The following REL variants were observed in gnomAD, a reference collection of about 807,000 sequenced individuals.
REL encodes the protein REL proto-oncogene, NF-kB subunit.
Under a neutral mutation model 45.9 loss-of-function variants are expected in REL, and 15 were observed. The observed-to-expected ratio is 0.33, with a 90% CI of 0.22 to 0.50. The LOEUF (loss-of-function observed/expected upper bound fraction) is 0.50, where lower values mean the gene tolerates loss of function less well. Ranked by LOEUF, REL falls within the 20% of genes least tolerant of loss-of-function variation. REL has a pLI of 0.98. For missense variants in REL, 601 were observed against 715.2 expected (o/e 0.84, Z 1.82); for synonymous variants, 239 against 242.1 (o/e 0.99, Z 0.12).
rs80245312 is a variant in REL, at chr2:60,883,405, C to T, written c.10+1555C>T. On this transcript the variant is annotated intron_variant, in intron 1 of 9. Transcript: ENST00000394479. The stretch of plus-strand genomic sequence containing the variant: ...CTAAGTGTAGTTTAAAATATTTCAA[C>T]TTTCCCTTTTCCCACTTAAGTGACA... Among the ~76,000 whole-genome samples the T allele has an allele frequency of 9.5e-4, 144 of 152,310 alleles. 1 individual carries two copies. The East Asian group carries it at 0.025, about 26-fold the overall frequency.
intron 1 of REL, among the ~76,000 whole-genome samples, chr2:60,888,380 C>A (rs1384368724): frequency 1.3e-5 from 2 of 151,902 alleles, no homozygotes; most frequent in Non-Finnish European, 2.9e-5. Context: ...ATTTATTTGG[C>A]CTTTACTTCA....
chr2:60,907,723 C>T (rs1673701720), intron 4 of REL, among the ~76,000 whole-genome samples: 1 of 151,268 alleles, frequency 6.6e-6, no homozygotes, highest in Non-Finnish European at 1.5e-5. Context: ...CGGAGTCTCG[C>T]TCTGTTGCCC....
chr2:60,922,579 A>G lies in REL; in HGVS notation c.*44A>G. On this transcript the variant is annotated 3_prime_UTR_variant, in exon 10 of 10. Transcript: ENST00000394479. ...TTTTAAATCTTGATACCACCTATAT[A>G]GATGCAGCATTTTGTATTTGTCTAA... 1 of 1,511,210 alleles carries G rather than the reference A, an allele frequency of 6.6e-7. No individual in the cohort carries two copies. Among genetic ancestry groups the G allele is most frequent in the East Asian group, 2.3e-5 (1 of 44,164 alleles). The allele number at this position is 1,511,210 out of a possible 1,614,324, so 93.6% of individuals were successfully genotyped here.
At position 60,928,272 on chromosome 2, in the gene REL, C is replaced by A. The variant is rs1674314438; in HGVS notation, c.*5737C>A. The A allele has an allele frequency of 6.5e-6, 1 of 155,034 alleles. No homozygotes were observed. 9.6% of individuals were successfully genotyped at this position (155,034 alleles called of 1,614,324 possible). A position where few individuals can be genotyped will look rare whatever the true frequency, so the allele number is the denominator to read the frequency against. ...CCCAAGGTAATTTACAGATTCAGTG[C>A]CATCCCCATCAAGCTACCAATGCCT... On this transcript the variant is annotated 3_prime_UTR_variant, in exon 10 of 10. Coordinates refer to ENST00000394479, the MANE Select transcript of REL (RefSeq NM_001291746.2).
chr2:60,922,709 C>G lies in REL; in HGVS notation c.*174C>G. The G allele has an allele frequency of 1.6e-6, 2 of 1,252,208 alleles. No individual in the cohort carries two copies. The highest frequency in any genetic ancestry group is 2.0e-6 in the Non-Finnish European group (2 of 998,436). The allele number at this position is 1,252,208 out of a possible 1,614,324, so 77.6% of individuals were successfully genotyped here. ...CTTTTTTCAGGGAAGAAGCATACAA[C>G]TTTGGACATAGCGAATACAAAATTG... On this transcript the variant is annotated 3_prime_UTR_variant, in exon 10 of 10. Coordinates refer to ENST00000394479, the MANE Select transcript of REL (RefSeq NM_001291746.2).
At chr2:60,892,111 T>C (rs189778785) in intron 2 of REL, among the ~76,000 whole-genome samples, 1 of 152,294 alleles carries the variant, frequency 6.6e-6, no homozygotes, top group East Asian at 1.9e-4. Flanking sequence ...CTGGCAACTT[T>C]TGGATCATGT....
At position 60,916,952 on chromosome 2, in the gene REL, C is replaced by T. The variant is rs1240093594; in HGVS notation, c.470C>T (p.Pro157Leu). Residue 157 changes from proline (P) to leucine (L), a missense_variant, in exon 5 of 10, where the codon CCT (proline) becomes CTT (leucine). This residue lies in a region of REL where 241 missense variants were observed against 347.0 expected (regional missense o/e 0.69). Coordinates refer to ENST00000394479, the MANE Select transcript of REL (RefSeq NM_001291746.2). ...VVRLCFQVFLPDEHGNLTTAL... is the reference protein window; with the variant it reads ...VVRLCFQVFLLDEHGNLTTAL... ...AGACTGTGTTTTCAAGTTTTTCTCC[C>T]TGATGAACATGGTAATTTGACGACT... 17 of 1,613,136 alleles carry T rather than the reference C, an allele frequency of 1.1e-5. No homozygotes were observed. The highest frequency in any genetic ancestry group is 1.4e-5 in the Non-Finnish European group (16 of 1,179,426).
chr2:60,914,840 T>G (rs533655926), intron 4 of REL, among the ~76,000 whole-genome samples: 14 of 147,454 alleles, frequency 9.5e-5, no homozygotes, highest in African/African-American at 1.3e-4. Flanking sequence ...TTTTTGTTTT[T>G]TTTTTTTTTT....
rs2103990367 is a variant in REL, at chr2:60,922,411, G to C, written c.1640G>C (p.Gly547Ala). ...GATAACAGCATGATAAATGAGTCGG[G>C]ACCATCAAACAGTACTAATCCAAAC... ...CADNSMINES[G>A]PSNSTNPNSH... Residue 547 changes from glycine to alanine, a missense_variant, in exon 10 of 10, where the codon GGA (glycine) becomes GCA (alanine). Physicochemically the swap from Gly to Ala is moderately conservative, Grantham distance 60. Transcript: ENST00000394479. The C allele has an allele frequency of 6.2e-7, 1 of 1,614,000 alleles. No homozygotes were observed. The highest frequency in any genetic ancestry group is 2.2e-5 in the East Asian group (1 of 44,876).
chr2:60,903,490 CAGCCTCCTA>C (rs1245710925), intron 4 of REL, among the ~76,000 whole-genome samples: 1 of 152,074 alleles, frequency 6.6e-6, no homozygotes, highest in Non-Finnish European at 1.5e-5. Context: ...TCTCCCACCT[CAGCCTCCTA>C]AGTAGCTGGG....
At position 60,929,202 on chromosome 2, in the gene REL, A is replaced by G. The variant is rs1199840123; in HGVS notation, c.*6667A>G. ...GCTGGAGAGGATGTGGAGAAATAGG[A>G]ACACTTTTACACTGTTGGTGGGACT... On this transcript the variant is annotated 3_prime_UTR_variant, in exon 10 of 10. Coordinates refer to ENST00000394479, the MANE Select transcript of REL (RefSeq NM_001291746.2). 1 of 150,288 alleles carries G rather than the reference A, an allele frequency of 6.7e-6. No homozygotes were observed. The highest frequency in any genetic ancestry group is 1.9e-4 in the East Asian group (1 of 5,170). The allele number at this position is 150,288 out of a possible 1,614,324, so 9.3% of individuals were successfully genotyped here.
At chr2:60,893,221 A>C (rs1046475520) in intron 2 of REL, among the ~76,000 whole-genome samples, 1 of 152,182 alleles carries the variant, frequency 6.6e-6, no homozygotes, top group Non-Finnish European at 1.5e-5. Context: ...ACAGATCTTA[A>C]TTCACTGTTT....
intron 8 of REL, 74 bp downstream of exon 8, chr2:60,920,183 ATTAT>A: frequency 8.4e-7 from 1 of 1,184,472 alleles, no homozygotes; most frequent in Non-Finnish European, 1.2e-6. Context: ...TTCAAATTTT[ATTAT>A]TTTTGTTTTG....
Position 60,930,355 on chromosome 2 carries a change from C to T in REL, c.*7820C>T, listed in dbSNP as rs1674359153. On this transcript the variant is annotated 3_prime_UTR_variant, in exon 10 of 10. Coordinates refer to ENST00000394479, the MANE Select transcript of REL (RefSeq NM_001291746.2). ...ATGGATTAGGTTCTTTAGTAAGAAA[C>T]CTGAGATGGACTTCTCATTAGCATT... 6.6e-6 allele frequency: 1 copy of T among 152,290 alleles called. No homozygotes were observed. The highest frequency in any genetic ancestry group is 2.1e-4 in the South Asian group (1 of 4,832). The allele number at this position is 152,290 out of a possible 1,614,324, so 9.4% of individuals were successfully genotyped here.
intron 1 of REL, among the ~76,000 whole-genome samples, chr2:60,882,921 A>G (rs1483391315): frequency 1.3e-5 from 2 of 152,184 alleles, no homozygotes; most frequent in Non-Finnish European, 2.9e-5. Flanking sequence ...TGTAAGAAAC[A>G]TTGCAGAGCA....
intron 4 of REL, among the ~76,000 whole-genome samples, chr2:60,911,786 G>T (rs996948430): frequency 1.3e-5 from 2 of 151,852 alleles, no homozygotes; most frequent in African/African-American, 2.4e-5. Context: ...GGATCACAAG[G>T]TCAAGAGGTT....
At chr2:60,906,031 A>T (rs895645296) in intron 4 of REL, among the ~76,000 whole-genome samples, 2 of 152,232 alleles carry the variant, frequency 1.3e-5, no homozygotes, top group African/African-American at 2.4e-5. Flanking sequence ...CCTCAGAATC[A>T]TGGCGGAGGT....
intron 4 of REL, among the ~76,000 whole-genome samples, chr2:60,915,576 T>C (rs1429479163): frequency 6.6e-6 from 1 of 152,254 alleles, no homozygotes; most frequent in Admixed American, 6.5e-5. Flanking sequence ...AAATACATTA[T>C]CAGTTTTATT....
rs1674376339 is a variant in REL at position 60,931,195 on chromosome 2, G to A, written c.*8660G>A. ...TGTTGGTCACTGTCTCACAGTTCAA[G>A]TAGCTTTAAGATGATGTGGCAAGGA... On this transcript the variant is annotated 3_prime_UTR_variant, in exon 10 of 10. Coordinates refer to ENST00000394479, the MANE Select transcript of REL (RefSeq NM_001291746.2). 1 of 152,322 alleles carries A rather than the reference G, an allele frequency of 6.6e-6. No individual in the cohort carries two copies. The highest frequency in any genetic ancestry group is 1.5e-5 in the Non-Finnish European group (1 of 68,036). The allele number at this position is 152,322 out of a possible 1,614,324, so 9.4% of individuals were successfully genotyped here. A position where few individuals can be genotyped will look rare whatever the true frequency, so the allele number is the denominator to read the frequency against.
Sources: allele counts gnomAD v4.1 joint callset (sites outside exome capture counted in the v4.1 genomes callset), GRCh38; gene constraint gnomAD v4.1.1; regional missense constraint gnomAD v4.1.1; transcripts MANE v1.5; gene names NCBI Gene and HGNC (gene_info 2026-07-23, HGNC 2026-07-21).